Variants in PDGFD observed in about 807,000 individuals in gnomAD.
PDGFD encodes platelet derived growth factor D, also known as platelet-derived growth factor D.
PDGFD carries 30 observed loss-of-function variants against 44.7 expected under a neutral mutation model. That is an observed-to-expected ratio of 0.67 (90% CI 0.50 to 0.91). PDGFD has a LOEUF of 0.91. Among genes scored for constraint, PDGFD ranks in the 40% least tolerant of loss-of-function variants. The pLI is 0.00. For missense variants in PDGFD, 445 were observed against 457.8 expected (o/e 0.97, Z 0.25); for synonymous variants, 173 against 168.4 (o/e 1.03, Z -0.21).
intron 1 of PDGFD, among the ~76,000 whole-genome samples, chr11:104,086,984 A>G (rs926398047): frequency 1.3e-5 from 2 of 151,316 alleles, no homozygotes; most frequent in African/African-American, 2.4e-5. Context: ...ATTGATTGAA[A>G]GAAAGAACAG....
intron 3 of PDGFD, among the ~76,000 whole-genome samples, chr11:103,966,213 A>G (rs996667931): frequency 2.0e-5 from 3 of 152,182 alleles, no homozygotes; most frequent in African/African-American, 7.2e-5. Context: ...GGGAAGAAGG[A>G]CTGTTCAAAA....
intron 1 of PDGFD, among the ~76,000 whole-genome samples, chr11:104,055,445 A>G (rs1294302934): frequency 6.6e-6 from 1 of 152,180 alleles, no homozygotes; most frequent in Non-Finnish European, 1.5e-5. Context: ...AGTAATGATA[A>G]CCCAGGTGTG....
Position 103,909,603 on chromosome 11 carries a change from A to G in PDGFD, c.*91T>C. On this transcript the variant is annotated 3_prime_UTR_variant, in exon 7 of 7. Coordinates refer to ENST00000393158, the MANE Select transcript of PDGFD (RefSeq NM_025208.5). ...TTCATTGCATTGCAGGCTAGTAGTA[A>G]GTTTGGTTGCTGGTAGGAAAAGGGT... 1.3e-6 allele frequency: 2 copies of G among 1,502,678 alleles called. No individual in the cohort carries two copies. Among genetic ancestry groups the G allele is most frequent in the Non-Finnish European group, 1.8e-6 (2 of 1,090,474 alleles). The allele number at this position is 1,502,678 out of a possible 1,614,324, so 93.1% of individuals were successfully genotyped here. A position where few individuals can be genotyped will look rare whatever the true frequency, so the allele number is the denominator to read the frequency against.
At chr11:103,987,844 T>C (rs1445820041) in intron 3 of PDGFD, among the ~76,000 whole-genome samples, 2 of 145,084 alleles carry the variant, frequency 1.4e-5, no homozygotes, top group Admixed American at 6.7e-5. Context: ...GTTGCCTCCC[T>C]GACACAGCCC....
At chr11:104,161,626 C>A in intron 1 of PDGFD, among the ~76,000 whole-genome samples, 1 of 152,098 alleles carries the variant, frequency 6.6e-6, no homozygotes, top group East Asian at 1.9e-4. Flanking sequence ...AATGGTAATA[C>A]CACAGAAATG....
At chr11:104,150,742 A>G (rs777820658) in intron 1 of PDGFD, among the ~76,000 whole-genome samples, 5 of 152,086 alleles carry the variant, frequency 3.3e-5, no homozygotes, top group East Asian at 3.9e-4. Context: ...TCACATAGCC[A>G]TCTCTTCTGC....
chr11:103,971,852 A>G (rs546715753), intron 3 of PDGFD, among the ~76,000 whole-genome samples: 1 of 152,260 alleles, frequency 6.6e-6, no homozygotes, highest in South Asian at 2.1e-4. Flanking sequence ...AATTATATCA[A>G]TTTCAAATTG....
At chr11:103,952,556 G>T (rs193124425) in intron 3 of PDGFD, among the ~76,000 whole-genome samples, 380 of 152,208 alleles carry the variant, frequency 2.5e-3, no homozygotes, top group African/African-American at 8.5e-3. Context: ...AGACCATCTG[G>T]GGGTCTGATA....
intron 1 of PDGFD, among the ~76,000 whole-genome samples, chr11:104,019,008 T>C (rs1008642347): frequency 1.3e-5 from 2 of 152,110 alleles, no homozygotes; most frequent in African/African-American, 4.8e-5. Flanking sequence ...ATGCAGAGGG[T>C]GTCCTCTGCA....
intron 1 of PDGFD, among the ~76,000 whole-genome samples, chr11:104,095,061 G>A (rs374433949): frequency 2.0e-5 from 3 of 151,910 alleles, no homozygotes; most frequent in Admixed American, 1.3e-4. Flanking sequence ...GTATATGGAC[G>A]TATCTTCCCT....
intron 3 of PDGFD, among the ~76,000 whole-genome samples, chr11:103,991,320 TCCTTCTCCTCCTC>T (rs1401315966): frequency 6.6e-6 from 1 of 152,096 alleles, no homozygotes; most frequent in Non-Finnish European, 1.5e-5. Flanking sequence ...CCTCCTCTCT[TCCTTCTCCTCCTC>T]CCTTCTCCAT....
At chr11:104,113,481 T>C (rs1166899834) in intron 1 of PDGFD, among the ~76,000 whole-genome samples, 1 of 152,166 alleles carries the variant, frequency 6.6e-6, no homozygotes, top group East Asian at 1.9e-4. Flanking sequence ...TTCCATTGTT[T>C]GGATAGCACA....
At position 103,931,221 on chromosome 11, in the gene PDGFD, G is replaced by C. The variant is rs546176377; in HGVS notation, c.773-4095C>G. Among the ~76,000 whole-genome samples the C allele has an allele frequency of 2.5e-4, 38 of 152,246 alleles. 1 individual carries two copies. Among genetic ancestry groups the C allele is most frequent in the Middle Eastern group, 3.4e-3 (1 of 294 alleles). ...TTATTTTATACAAGTTACCTGTTCTGGTGGACAGAAGTCCAAAATGTGCCT... is the reference window on the plus strand; with the variant it reads ...TTATTTTATACAAGTTACCTGTTCTCGTGGACAGAAGTCCAAAATGTGCCT... On this transcript the variant is annotated intron_variant, in intron 5 of 6. Coordinates refer to ENST00000393158, the MANE Select transcript of PDGFD (RefSeq NM_025208.5).
intron 1 of PDGFD, among the ~76,000 whole-genome samples, chr11:104,019,148 G>A (rs1294666468): frequency 6.6e-6 from 1 of 152,158 alleles, no homozygotes; most frequent in Non-Finnish European, 1.5e-5. Flanking sequence ...GGATTTTATT[G>A]TTTCATATCT....
chr11:104,115,925 A>G (rs1861630383), intron 1 of PDGFD, among the ~76,000 whole-genome samples: 1 of 151,918 alleles, frequency 6.6e-6, no homozygotes, highest in African/African-American at 2.4e-5. Flanking sequence ...TTTGTTGTAG[A>G]TTCTGGATAT....
At chr11:104,037,116 C>T in intron 1 of PDGFD, 1 of 1,614,038 alleles carries the variant, frequency 6.2e-7, no homozygotes, top group Non-Finnish European at 8.5e-7. Flanking sequence ...ACTTCAGTGG[C>T]ATTGCGGTGC....
intron 3 of PDGFD, among the ~76,000 whole-genome samples, chr11:103,963,163 C>T (rs1292460534): frequency 6.6e-6 from 1 of 152,140 alleles, no homozygotes; most frequent in Non-Finnish European, 1.5e-5. Context: ...CCTTAGCCTT[C>T]ACACATTTTC....
At chr11:104,104,188 T>G (rs12290038) in intron 1 of PDGFD, among the ~76,000 whole-genome samples, 8,426 of 152,252 alleles carry the variant, frequency 0.055, 365 homozygotes, top group African/African-American at 0.12. Flanking sequence ...TTTTTGTACA[T>G]CTGTATAATG....
intron 1 of PDGFD, among the ~76,000 whole-genome samples, chr11:104,129,218 CT>C (rs111924546): frequency 1.0e-3 from 154 of 147,164 alleles, no homozygotes; most frequent in Admixed American, 3.7e-3. Context: ...CTGTCATCAT[CT>C]TTTTTTTTTT....
Sources: gnomAD v4.1 joint callset for allele counts (sites outside exome capture counted in the v4.1 genomes callset) on GRCh38, gnomAD v4.1.1 for gene constraint, MANE v1.5 for transcripts, NCBI Gene and HGNC (gene_info 2026-07-23, HGNC 2026-07-21) for gene names.